Variants in SQLE observed in about 807,000 individuals in gnomAD.
The protein encoded by SQLE is squalene monooxygenase.
Under a neutral mutation model 60.7 loss-of-function variants are expected in SQLE, and 29 were observed. The ratio of observed to expected loss-of-function variants is 0.48; its 90% CI spans 0.36 to 0.65. The LOEUF (loss-of-function observed/expected upper bound fraction) is 0.65, where lower values mean the gene tolerates loss of function less well. Among genes scored for constraint, SQLE ranks in the 30% least tolerant of loss-of-function variants. The pLI, the probability that SQLE is intolerant of heterozygous loss-of-function variation, is 0.00. For missense variants in SQLE, 605 were observed against 684.1 expected, an observed-to-expected ratio of 0.88 and a Z score of 1.29; for synonymous variants, 237 against 246.8, an observed-to-expected ratio of 0.96 and a Z score of 0.37.
intron 4 of SQLE, 121 bp downstream of exon 4, chr8:125,007,608 A>G (rs955948393): frequency 3.0e-5 from 17 of 564,212 alleles, no homozygotes; most frequent in Non-Finnish European, 4.2e-5. Flanking sequence ...CTGAAATGCT[A>G]GGGATCAGAA....
At position 125,011,646 on chromosome 8, in the gene SQLE, G is replaced by T. The variant is rs1489445705; in HGVS notation, c.1204+14G>T. ...TGAAGAAACGAGGTATTATTTTTTG[G>T]GCTTATTTTATAAAGGAATCAGTAT... On this transcript the variant is annotated intron_variant, in intron 7 of 10. Transcript: ENST00000265896. 2 of 1,553,014 alleles carry T rather than the reference G, an allele frequency of 1.3e-6. No individual in the cohort carries two copies. The highest frequency in any genetic ancestry group is 1.2e-5 in the South Asian group (1 of 83,992).
chr8:125,002,957 T>C (rs958636770), intron 1 of SQLE, among the ~76,000 whole-genome samples: 7 of 152,238 alleles, frequency 4.6e-5, no homozygotes, highest in African/African-American at 1.7e-4. Context: ...TATTTAATTT[T>C]ATTGGGATAA....
At chr8:125,011,179 T>G (rs1004564066) in intron 6 of SQLE, 6 of 162,240 alleles carry the variant, frequency 3.7e-5, no homozygotes, top group Admixed American at 2.5e-4. Context: ...ATATATTGAT[T>G]ATAATACATT....
rs764353196 is a variant in SQLE, at chr8:125,003,448, C to T, written c.544+20C>T. On this transcript the variant is annotated intron_variant, in intron 2 of 10. Transcript: ENST00000265896. ...TTGGAGGTAGGTTCATATTGATTTT[C>T]AGGAGAGTTACGTGGTATGAACAAG... is the stretch of plus-strand genomic sequence containing the variant. 1.6e-5 allele frequency: 26 copies of T among 1,611,812 alleles called. No individual in the cohort carries two copies. The highest frequency in any genetic ancestry group is 1.0e-4 in the Admixed American group (6 of 59,882).
intron 4 of SQLE, among the ~76,000 whole-genome samples, 162 bp downstream of exon 4, chr8:125,007,649 T>C (rs549123373): frequency 6.6e-6 from 1 of 152,372 alleles, no homozygotes; most frequent in African/African-American, 2.4e-5. Context: ...TTTTCAGATG[T>C]TTGCATTATA....
chr8:125,003,031 T>C, intron 1 of SQLE, 145 bp from the exon 2 acceptor site: 1 of 658,556 alleles, frequency 1.5e-6, no homozygotes, highest in East Asian at 3.1e-5. Context: ...ATCTAGATTT[T>C]AAAATGTAAC....
intron 7 of SQLE, among the ~76,000 whole-genome samples, chr8:125,015,336 T>TAAA (rs1233599990): frequency 2.0e-5 from 3 of 152,226 alleles, no homozygotes; most frequent in Admixed American, 6.5e-5. Context: ...GTTCTTTTTT[T>TAAA]AAATCCATTC....
rs748660967 is a variant in SQLE, at chr8:125,021,881, T to C, written c.1661T>C (p.Leu554Ser). Residue 554 changes from leucine (L) to serine (S), a missense_variant, in exon 11 of 11, where the codon TTG (leucine) becomes TCG (serine). Leu to Ser is a moderately radical substitution (Grantham distance 145). Coordinates refer to ENST00000265896, the MANE Select transcript of SQLE (RefSeq NM_003129.4). ...PRALLSSGAV[L>S]YKACSVIFPL... ...GCCCTTCTCAGTAGTGGTGCTGTAT[T>C]GTACAAAGCGTGTTCTGTAATATTT... The C allele has an allele frequency of 1.4e-5, 22 of 1,610,768 alleles. No individual in the cohort carries two copies. The highest frequency in any genetic ancestry group is 8.5e-7 in the Non-Finnish European group (1 of 1,178,256).
chr8:125,003,023 C>G (rs1407786820), intron 1 of SQLE, among the ~76,000 whole-genome samples, 153 bp from the exon 2 acceptor site: 1 of 151,992 alleles, frequency 6.6e-6, no homozygotes, highest in Non-Finnish European at 1.5e-5. Flanking sequence ...TATATATTAT[C>G]TAGATTTTAA....
chr8:125,008,944 A>C (rs1276556818), intron 4 of SQLE, 27 bp from the exon 5 acceptor site: 1 of 1,469,380 alleles, frequency 6.8e-7, no homozygotes, highest in East Asian at 2.3e-5. Context: ...TGACTACTAA[A>C]CTGAGTAGTC....
intron 2 of SQLE, among the ~76,000 whole-genome samples, chr8:125,005,096 G>GT (rs935139733): frequency 1.1e-4 from 17 of 150,650 alleles, no homozygotes; most frequent in Admixed American, 2.6e-4. Context: ...ATAAATTGGG[G>GT]TTTTTTTTTG....
intron 9 of SQLE, 160 bp downstream of exon 9, chr8:125,018,887 G>GTAGTTT (rs1815153849): frequency 1.7e-6 from 1 of 584,422 alleles, no homozygotes; most frequent in South Asian, 2.1e-5. Flanking sequence ...AGCAATAGTT[G>GTAGTTT]TAGTTTTAGT....
At chr8:125,002,779 C>A (rs1563595624) in intron 1 of SQLE, among the ~76,000 whole-genome samples, 1 of 152,148 alleles carries the variant, frequency 6.6e-6, no homozygotes, top group Non-Finnish European at 1.5e-5. Flanking sequence ...TGATTTGCAT[C>A]TTGTCGATTC....
chr8:125,016,881 G>A lies in SQLE; in HGVS notation c.1205-1178G>A, dbSNP rs1391222473. ...ACCCTTGCAGACTTGTAGAGGTACC[G>A]CCTTGGTGGTCTTGGGTAATATCTG... is the stretch of plus-strand genomic sequence containing the variant. On this transcript the variant is annotated intron_variant, in intron 7 of 10. Transcript: ENST00000265896. The surrounding 1 kb of genome is among the most constrained non-coding windows in gnomAD (Gnocchi z 4.1). Among the ~76,000 whole-genome samples, 3 of 152,296 alleles carry A rather than the reference G, an allele frequency of 2.0e-5. No homozygotes were observed. The highest frequency in any genetic ancestry group is 6.5e-5 in the Admixed American group (1 of 15,300).
rs1447040456 is a variant in SQLE, at chr8:125,021,655, A to G, written c.1533-98A>G. On this transcript the variant is annotated intron_variant, in intron 10 of 10. Coordinates refer to ENST00000265896, the MANE Select transcript of SQLE (RefSeq NM_003129.4). ...TTATGATGCTTGGGTAAAAAAAAGTAGGATGTTTGTTGAGCTTCGTAGATT... is the reference window on the plus strand; with the variant it reads ...TTATGATGCTTGGGTAAAAAAAAGTGGGATGTTTGTTGAGCTTCGTAGATT... 8.5e-6 allele frequency: 7 copies of G among 823,976 alleles called. No individual in the cohort carries two copies. In the East Asian group the frequency reaches 1.9e-4, roughly 23 times the overall value. The allele number at this position is 823,976 out of a possible 1,614,324, so 51.0% of individuals were successfully genotyped here. A position where few individuals can be genotyped will look rare whatever the true frequency, so the allele number is the denominator to read the frequency against.
rs1290305462 is a variant in SQLE at position 125,021,540 on chromosome 8, A to AG, written c.1533-213_1533-212insG. ...AAGTATTTTTTCTTAAAAAAAAAAA[A>AG]AGGGGGGTGGGGGGTTTGCTCCTGC... On this transcript the variant is annotated intron_variant, in intron 10 of 10. Transcript: ENST00000265896. 1.2e-3 allele frequency among the ~76,000 whole-genome samples: 153 copies of AG among 125,540 alleles called. 1 individual carries two copies. Among genetic ancestry groups the AG allele is most frequent in the African/African-American group, 4.2e-3 (126 of 30,360 alleles). The allele number at this position is 125,540 out of a possible 152,430, so 82.4% of individuals were successfully genotyped here. A position where few individuals can be genotyped will look rare whatever the true frequency, so the allele number is the denominator to read the frequency against.
In SQLE at chr8:124,999,534, A is replaced by G; in HGVS notation, c.131A>G (p.Tyr44Cys). 6.2e-7 allele frequency: 1 copy of G among 1,612,812 alleles called. No individual in the cohort carries two copies. The highest frequency in any genetic ancestry group is 1.3e-5 in the African/African-American group (1 of 74,936). ...VFLSLGLVLS[Y>C]RCRHRNGGLL... ...CTCTCGCTGGGCCTGGTGCTCTCCTACCGCTGTCGCCACCGAAACGGGGGT... is the reference window on the plus strand; with the variant it reads ...CTCTCGCTGGGCCTGGTGCTCTCCTGCCGCTGTCGCCACCGAAACGGGGGT... The change falls in exon 1 of 11, where the codon TAC becomes TGC. Residue 44 changes from tyrosine (Y) to cysteine (C), a missense_variant. By Grantham distance (194) the Tyr-to-Cys change is radical (BLOSUM62 -2). Transcript: ENST00000265896.
chr8:125,004,577 C>T (rs1046150805), intron 2 of SQLE, among the ~76,000 whole-genome samples: 14 of 151,546 alleles, frequency 9.2e-5, no homozygotes, highest in Non-Finnish European at 2.1e-4. Flanking sequence ...TTTTTTTTAT[C>T]GTTTGAACAT....
intron 7 of SQLE, among the ~76,000 whole-genome samples, chr8:125,012,217 AC>A (rs1815049292): frequency 6.6e-6 from 1 of 152,168 alleles, no homozygotes; most frequent in Non-Finnish European, 1.5e-5. Context: ...ATTTAATCTT[AC>A]AGACAATGGA....
Sources: allele counts gnomAD v4.1 joint callset (sites outside exome capture counted in the v4.1 genomes callset), GRCh38; gene constraint gnomAD v4.1.1; non-coding constraint Gnocchi (gnomAD v3.1); transcripts MANE v1.5; gene names NCBI Gene and HGNC (gene_info 2026-07-23, HGNC 2026-07-21).